The following PIEZO1 variants were observed in gnomAD, a reference collection of about 807,000 sequenced individuals.
PIEZO1 encodes the protein piezo-type mechanosensitive ion channel component 1.
Under a neutral mutation model 297.2 loss-of-function variants are expected in PIEZO1, and 296 were observed. The ratio of observed to expected loss-of-function variants is 1.00; its 90% CI spans 0.91 to 1.10. The LOEUF is 1.10. PIEZO1 is among the 50% of genes least tolerant of loss of function. The pLI, the probability that PIEZO1 is intolerant of heterozygous loss-of-function variation, is 0.00. For missense variants in PIEZO1, 5,018 were observed against 3,455.5 expected, an observed-to-expected ratio of 1.45 and a Z score of -11.34; for synonymous variants, 2,427 against 1,507.5, an observed-to-expected ratio of 1.61 and a Z score of -14.13.
Position 88,726,913 on chromosome 16 carries a change from G to C in PIEZO1, c.3501C>G (p.Phe1167Leu). ...MLKVAVFRYL[F>L]WLVLVVVFVT... ...CAAACACCACCACCAGCACCAGCCA[G>C]AACAGGTATCGGAAGACGGCCACCT... The change falls in exon 25 of 51, where the codon TTC becomes TTG. Residue 1167 changes from phenylalanine (F) to leucine (L), a missense_variant. Phe to Leu is a conservative substitution (Grantham distance 22). Coordinates refer to ENST00000301015, the MANE Select transcript of PIEZO1 (RefSeq NM_001142864.4). 6.4e-7 allele frequency: 1 copy of C among 1,550,488 alleles called. No individual in the cohort carries two copies. Among genetic ancestry groups the C allele is most frequent in the Non-Finnish European group, 8.7e-7 (1 of 1,146,928 alleles).
intron 7 of PIEZO1, 49 bp from the exon 8 acceptor site, chr16:88,738,154 C>T (rs770590978): frequency 7.2e-5 from 110 of 1,534,190 alleles, no homozygotes; most frequent in Non-Finnish European, 8.3e-5. Flanking sequence ...GGCAGTGGGG[C>T]CACAGGGGCT....
chr16:88,737,853 A>C (rs1905345940), intron 8 of PIEZO1, 39 bp from the exon 9 acceptor site: 1 of 1,532,998 alleles, frequency 6.5e-7, no homozygotes, highest in African/African-American at 1.4e-5. Flanking sequence ...CCAGCTCCAC[A>C]CCCCACCCAG....
At position 88,731,705 on chromosome 16, in the gene PIEZO1, C is replaced by T; in HGVS notation, c.3196+1G>A. 1 of 1,549,188 alleles carries T rather than the reference C, an allele frequency of 6.5e-7. No homozygotes were observed. Among genetic ancestry groups the T allele is most frequent in the Non-Finnish European group, 8.7e-7 (1 of 1,146,540 alleles). On this transcript the variant is annotated splice_donor_variant, in intron 22 of 50. Transcript: ENST00000301015. LOFTEE classifies it high-confidence loss of function. The stretch of plus-strand genomic sequence containing the variant: ...TCCCACCCAAGCCACGTGCCCCTCA[C>T]CAATGCACAGGGCCGGGGGCATCCC...
intron 4 of PIEZO1, 92 bp from the exon 5 acceptor site, chr16:88,741,708 A>C (rs915545600): frequency 1.1e-6 from 1 of 882,388 alleles, no homozygotes; most frequent in Non-Finnish European, 1.7e-6. Flanking sequence ...GGGAGTGTGG[A>C]TGGGTCTCCA....
At position 88,719,799 on chromosome 16, in the gene PIEZO1, C is replaced by T. The variant is rs1409551003; in HGVS notation, c.6323+3G>A. ...ACCCCCACCCCGGCGGACCTGCACT[C>T]ACCCCTGGAAGAGGAAGAGGTTGAG... On this transcript the variant is annotated splice_donor_region_variant and intron_variant, in intron 43 of 50. Coordinates refer to ENST00000301015, the MANE Select transcript of PIEZO1 (RefSeq NM_001142864.4). 6.4e-7 allele frequency: 1 copy of T among 1,550,496 alleles called. No homozygotes were observed. The highest frequency in any genetic ancestry group is 8.7e-7 in the Non-Finnish European group (1 of 1,146,928).
chr16:88,730,554 T>C (rs1904733202), intron 22 of PIEZO1, among the ~76,000 whole-genome samples: 1 of 142,128 alleles, frequency 7.0e-6, no homozygotes, highest in Non-Finnish European at 1.5e-5. Flanking sequence ...GCCGAGATTG[T>C]GCCAGTGTAC....
rs139059538 is a variant in PIEZO1 at position 88,735,683 on chromosome 16, C to A, written c.1558-437G>T. Among the ~76,000 whole-genome samples the A allele has an allele frequency of 3.3e-3, 507 of 152,388 alleles. 1 individual carries two copies. The highest frequency in any genetic ancestry group is 5.8e-3 in the Non-Finnish European group (398 of 68,044). On this transcript the variant is annotated intron_variant, in intron 12 of 50. Coordinates refer to ENST00000301015, the MANE Select transcript of PIEZO1 (RefSeq NM_001142864.4). ...TGGCCTGCAAACAGGTGTCCAGACACGATGCTGGCACCCGTTTCACATGGA... is the reference window on the plus strand; with the variant it reads ...TGGCCTGCAAACAGGTGTCCAGACAAGATGCTGGCACCCGTTTCACATGGA...
In PIEZO1 at chr16:88,719,740, C is replaced by T. The variant is rs542393603; in HGVS notation, c.6324-19G>A. On this transcript the variant is annotated intron_variant, in intron 43 of 50. Transcript: ENST00000301015. ...CCGGAACCTGCCCACAGCCAGGGTT[C>T]CCGTCAGGTGGGCTCCCTCATGCCC... The T allele has an allele frequency of 1.3e-6, 2 of 1,550,408 alleles. No individual in the cohort carries two copies. Among genetic ancestry groups the T allele is most frequent in the Middle Eastern group, 1.7e-4 (1 of 5,994 alleles).
At chr16:88,724,886 A>C in intron 30 of PIEZO1, 123 bp downstream of exon 30, 1 of 618,292 alleles carries the variant, frequency 1.6e-6, no homozygotes, top group Non-Finnish European at 2.7e-6. Flanking sequence ...AGGCCTGAGC[A>C]CGTCCTGACG....
chr16:88,727,295 G>C, intron 23 of PIEZO1, 103 bp from the exon 24 acceptor site: 1 of 1,301,936 alleles, frequency 7.7e-7, no homozygotes, highest in Non-Finnish European at 1.0e-6. Context: ...GCGTGCAGCC[G>C]CTGGGAGCGG....
Position 88,734,036 on chromosome 16 carries a change from C to T in PIEZO1, c.2199G>A (p.Gly733=), listed in dbSNP as rs911065840. The change falls in exon 17 of 51, where the codon GGG becomes GGA. Residue 733 remains glycine (G), a synonymous_variant. Transcript: ENST00000301015. Reference sequence around the variant, plus strand: ...GCTGCTCCTCCCGCAGCAGTGGGGTCCCACTCACTGCATCCTGCCTGGGAG... The same window carrying T: ...GCTGCTCCTCCCGCAGCAGTGGGGTTCCACTCACTGCATCCTGCCTGGGAG... ...RWAHRQDAVS[G]TPLLREEQQE... 3.3e-6 allele frequency: 5 copies of T among 1,534,022 alleles called. No individual in the cohort carries two copies. Among genetic ancestry groups the T allele is most frequent in the East Asian group, 4.9e-5 (2 of 40,748 alleles).
intron 1 of PIEZO1, among the ~76,000 whole-genome samples, chr16:88,778,113 C>T (rs1240568012): frequency 6.6e-6 from 1 of 152,306 alleles, no homozygotes; most frequent in East Asian, 1.9e-4. Context: ...CGGACAAACA[C>T]ACCCCAGCAC....
intron 5 of PIEZO1, 169 bp from the exon 6 acceptor site, chr16:88,738,905 G>C (rs975903365): frequency 3.2e-6 from 2 of 617,864 alleles, no homozygotes; most frequent in Non-Finnish European, 5.7e-6. Flanking sequence ...CCTGAGGTCT[G>C]CCTGACACCT....
In PIEZO1 at chr16:88,721,272, G is replaced by T. The variant is rs1912421925; in HGVS notation, c.5562C>A (p.Thr1854=). The T allele has an allele frequency of 1.9e-6, 3 of 1,543,918 alleles. No homozygotes were observed. Among genetic ancestry groups the T allele is most frequent in the Non-Finnish European group, 1.7e-6 (2 of 1,146,596 alleles). The change falls in exon 39 of 51, where the codon ACC becomes ACA. Residue 1854 remains threonine (T), a synonymous_variant. Coordinates refer to ENST00000301015, the MANE Select transcript of PIEZO1 (RefSeq NM_001142864.4). ...GCCTGAGCTCCACTTGGGGTTCTGG[G>T]GTCCCGTCCGTGGGTCCGACCCTGG... ...VEARVGPTDG[T]PEPQVELRPR...
intron 13 of PIEZO1, 23 bp downstream of exon 13, chr16:88,735,112 C>T: frequency 6.5e-7 from 1 of 1,549,824 alleles, no homozygotes; most frequent in Non-Finnish European, 8.7e-7. Flanking sequence ...GAGGGCAACC[C>T]CCGCCTCTGG....
Position 88,736,256 on chromosome 16 carries a change from C to T in PIEZO1, c.1449G>A (p.Val483=), listed in dbSNP as rs1319101687. The T allele has an allele frequency of 6.5e-6, 10 of 1,550,054 alleles. No homozygotes were observed. In the Admixed American group the frequency reaches 9.8e-5, roughly 15 times the overall value. The change falls in exon 12 of 51, where the codon GTG becomes GTA. Residue 483 remains valine (V), a synonymous_variant. Coordinates refer to ENST00000301015, the MANE Select transcript of PIEZO1 (RefSeq NM_001142864.4). ...GCTCAGGGCGCAGGTCCATGGCCCA[C>T]ACGTAGCGTAGGCAGCACAGCGTCA... ...YGMTLCCLRY[V]WAMDLRPELP...
At position 88,717,081 on chromosome 16, in the gene PIEZO1, A is replaced by G. The variant is rs978756218; in HGVS notation, c.6602T>C (p.Val2201Ala). Reference sequence around the variant, plus strand: ...ATCGATGGGCTGGTTGACAACCCCAACCACGGAGCGCACCAGCGACATGAA... The same window carrying G: ...ATCGATGGGCTGGTTGACAACCCCAGCCACGGAGCGCACCAGCGACATGAA... ...LLFMSLVRSVVGVVNQPIDVT... is the reference protein window; with the variant it reads ...LLFMSLVRSVAGVVNQPIDVT... The change falls in exon 45 of 51, where the codon GTT becomes GCT. Residue 2201 changes from valine to alanine, a missense_variant. Val to Ala is a moderately conservative substitution (Grantham distance 64). Coordinates refer to ENST00000301015, the MANE Select transcript of PIEZO1 (RefSeq NM_001142864.4). The G allele has an allele frequency of 1.3e-6, 2 of 1,550,996 alleles. No individual in the cohort carries two copies. The highest frequency in any genetic ancestry group is 1.7e-6 in the Non-Finnish European group (2 of 1,147,102).
chr16:88,758,387 C>A (rs1168207984), intron 1 of PIEZO1, among the ~76,000 whole-genome samples: 2 of 152,214 alleles, frequency 1.3e-5, no homozygotes, highest in Non-Finnish European at 2.9e-5. Flanking sequence ...CTGGGGGCAA[C>A]CCTGGCTTCT....
At chr16:88,774,744 G>A (rs567623830) in intron 1 of PIEZO1, among the ~76,000 whole-genome samples, 1 of 152,324 alleles carries the variant, frequency 6.6e-6, no homozygotes, top group African/African-American at 2.4e-5. Flanking sequence ...AGCACTCTTA[G>A]GGTACATGGG....
Sources: gnomAD v4.1 joint callset for allele counts (sites outside exome capture counted in the v4.1 genomes callset) on GRCh38, gnomAD v4.1.1 for gene constraint, MANE v1.5 for transcripts, NCBI Gene and HGNC (gene_info 2026-07-23, HGNC 2026-07-21) for gene names.